The following ARHGAP42 variants were observed in gnomAD, a reference collection of about 807,000 sequenced individuals.
ARHGAP42 encodes the protein Rho GTPase activating protein 42.
ARHGAP42 carries 63 observed loss-of-function variants against 125.0 expected under a neutral mutation model. The observed-to-expected ratio is 0.50, with a 90% CI of 0.41 to 0.62. The LOEUF (loss-of-function observed/expected upper bound fraction) is 0.62, where lower values mean the gene tolerates loss of function less well. Ranked by LOEUF, ARHGAP42 falls within the 20% of genes least tolerant of loss-of-function variation. The pLI, the probability that ARHGAP42 is intolerant of heterozygous loss-of-function variation, is 0.00. For synonymous variants in ARHGAP42, 339 were observed against 351.0 expected (o/e 0.97, Z 0.38); for missense variants, 766 against 1,024.2 (o/e 0.75, Z 3.44).
At chr11:100,695,763 G>A (rs61908746) in intron 1 of ARHGAP42, among the ~76,000 whole-genome samples, 2 of 152,164 alleles carry the variant, frequency 1.3e-5, no homozygotes, top group African/African-American at 4.8e-5. Context: ...TGTGAATTGT[G>A]GAATAATAGT....
At chr11:100,893,599 A>G (rs1348272449) in intron 4 of ARHGAP42, among the ~76,000 whole-genome samples, 1 of 152,160 alleles carries the variant, frequency 6.6e-6, no homozygotes, top group East Asian at 1.9e-4. Context: ...TTCAACATAA[A>G]ACTGAATTGC....
intron 10 of ARHGAP42, among the ~76,000 whole-genome samples, chr11:100,944,950 A>G (rs953406326): frequency 6.6e-6 from 1 of 152,036 alleles, no homozygotes; most frequent in African/African-American, 2.4e-5. Context: ...CATTTCAACA[A>G]AGATTTCTCT....
At chr11:100,802,489 A>G (rs2135045400) in intron 3 of ARHGAP42, among the ~76,000 whole-genome samples, 2 of 145,290 alleles carry the variant, frequency 1.4e-5, no homozygotes, top group South Asian at 4.4e-4. Context: ...CAGTGGTGCG[A>G]TCTTGACTCA....
rs1470120992 is a variant in ARHGAP42 at position 100,990,586 on chromosome 11, A to G, written c.*1785A>G. The G allele has an allele frequency of 6.6e-6, 1 of 152,414 alleles. No homozygotes were observed. 9.4% of individuals were successfully genotyped at this position (152,414 alleles called of 1,614,324 possible). On this transcript the variant is annotated 3_prime_UTR_variant, in exon 24 of 24. Coordinates refer to ENST00000298815, the MANE Select transcript of ARHGAP42 (RefSeq NM_152432.4). ...TGATAAAAGAGTATCTTTTTCTTTT[A>G]TCTCTTACTGTTGACCTCTGTGCAC...
At chr11:100,872,782 A>G (rs527681506) in intron 4 of ARHGAP42, among the ~76,000 whole-genome samples, 1 of 152,162 alleles carries the variant, frequency 6.6e-6, no homozygotes, top group African/African-American at 2.4e-5. Flanking sequence ...TTAGCATGCC[A>G]TCATCTGTCT....
chr11:100,773,344 G>T (rs1024187253), intron 2 of ARHGAP42, among the ~76,000 whole-genome samples: 1 of 151,874 alleles, frequency 6.6e-6, no homozygotes, highest in Non-Finnish European at 1.5e-5. Context: ...ATATAATTTG[G>T]TATTTTTTTC....
At chr11:100,956,269 A>G (rs1857802120) in intron 12 of ARHGAP42, among the ~76,000 whole-genome samples, 1 of 152,186 alleles carries the variant, frequency 6.6e-6, no homozygotes, top group Admixed American at 6.6e-5. Flanking sequence ...TAAGTTATAC[A>G]CAACTAAATC....
intron 22 of ARHGAP42, among the ~76,000 whole-genome samples, chr11:100,980,559 CTTTTTTTTTTTTTTTTTT>C (rs763302463): frequency 1.9e-5 from 1 of 51,962 alleles, no homozygotes; most frequent in Non-Finnish European, 3.8e-5. Context: ...TTTTCTTCTT[CTTTTTTTTTTTTTTTTTT>C]TTTTTTTTTT....
At chr11:100,920,172 C>G (rs1867196251) in intron 5 of ARHGAP42, among the ~76,000 whole-genome samples, 1 of 152,138 alleles carries the variant, frequency 6.6e-6, no homozygotes, top group Non-Finnish European at 1.5e-5. Context: ...ATACTTTCTT[C>G]ACATTTATTA....
intron 10 of ARHGAP42, among the ~76,000 whole-genome samples, chr11:100,946,234 G>A (rs1011079567): frequency 3.3e-5 from 5 of 152,070 alleles, no homozygotes; most frequent in Non-Finnish European, 5.9e-5. Context: ...TGTGGAAAAG[G>A]CATTGGCTTA....
intron 1 of ARHGAP42, among the ~76,000 whole-genome samples, chr11:100,748,395 G>C (rs1454342228): frequency 6.7e-6 from 1 of 149,888 alleles, no homozygotes; most frequent in African/African-American, 2.5e-5. Flanking sequence ...CCTGAAGGGA[G>C]TTCCTCGTAG....
chr11:100,956,962 T>C lies in ARHGAP42; in HGVS notation c.1163-2921T>C, dbSNP rs542914964. Among the ~76,000 whole-genome samples, 4 of 152,236 alleles carry C rather than the reference T, an allele frequency of 2.6e-5. No homozygotes were observed. The East Asian group carries it at 7.7e-4, about 29-fold the overall frequency. Reference sequence around the variant, plus strand: ...AGGAAGGATGCCTTATTCATGAAATTTACATATGTAGAGATTTGCATTCTT... The same window carrying C: ...AGGAAGGATGCCTTATTCATGAAATCTACATATGTAGAGATTTGCATTCTT... On this transcript the variant is annotated intron_variant, in intron 12 of 23. Transcript: ENST00000298815.
chr11:100,821,894 G>T (rs1428562232), intron 3 of ARHGAP42, among the ~76,000 whole-genome samples: 1 of 152,142 alleles, frequency 6.6e-6, no homozygotes, highest in African/African-American at 2.4e-5. Flanking sequence ...TGATGGGCTT[G>T]TTGCTAATGA....
intron 2 of ARHGAP42, among the ~76,000 whole-genome samples, chr11:100,777,841 G>T (rs1759195164): frequency 6.6e-6 from 1 of 152,076 alleles, no homozygotes; most frequent in African/African-American, 2.4e-5. Flanking sequence ...GTACAAATAT[G>T]CATTTTTACA....
chr11:100,859,480 TA>T, intron 3 of ARHGAP42, 73 bp from the exon 4 acceptor site: 1 of 1,285,206 alleles, frequency 7.8e-7, no homozygotes, highest in Non-Finnish European at 1.1e-6. Context: ...ATACATTGGA[TA>T]AAGTAGCCAT....
intron 5 of ARHGAP42, 44 bp downstream of exon 5, chr11:100,913,597 A>T: frequency 9.2e-7 from 1 of 1,081,984 alleles, no homozygotes. Flanking sequence ...ATTAAGTCAT[A>T]TAAAGTCAAA....
intron 1 of ARHGAP42, among the ~76,000 whole-genome samples, chr11:100,725,659 C>T (rs1443953778): frequency 1.5e-5 from 2 of 134,254 alleles, no homozygotes; most frequent in African/African-American, 2.8e-5. Flanking sequence ...CCAGGTGGCC[C>T]GGGCGCAGTG....
intron 4 of ARHGAP42, among the ~76,000 whole-genome samples, chr11:100,900,070 C>G (rs1300538993): frequency 6.6e-6 from 1 of 152,092 alleles, no homozygotes; most frequent in African/African-American, 2.4e-5. Context: ...ATGTTTAGTG[C>G]TACCTTCAGG....
intron 4 of ARHGAP42, among the ~76,000 whole-genome samples, chr11:100,893,050 A>G (rs1198456669): frequency 6.6e-6 from 1 of 152,104 alleles, no homozygotes; most frequent in African/African-American, 2.4e-5. Flanking sequence ...AGTGCTCATC[A>G]TGTATTCATC....
Sources: gnomAD v4.1 joint callset for allele counts (sites outside exome capture counted in the v4.1 genomes callset) on GRCh38, gnomAD v4.1.1 for gene constraint, MANE v1.5 for transcripts, NCBI Gene and HGNC (gene_info 2026-07-23, HGNC 2026-07-21) for gene names.